THSD7B: variants seen among roughly 807,000 people sequenced by gnomAD.
The protein encoded by THSD7B is thrombospondin type-1 domain-containing protein 7B.
In THSD7B, 138 loss-of-function variants were observed where a neutral mutation model predicts 213.6. That is an observed-to-expected ratio of 0.65 (90% confidence interval 0.56 to 0.74). The LOEUF (loss-of-function observed/expected upper bound fraction) is 0.74, where lower values mean the gene tolerates loss of function less well. THSD7B is among the 30% of genes least tolerant of loss of function. THSD7B has a pLI of 0.00. For synonymous variants in THSD7B, 742 were observed against 687.0 expected (o/e 1.08, Z -1.25); for missense variants, 1,931 against 1,991.5 (o/e 0.97, Z 0.58).
At chr2:137,433,861 C>T (rs921700498) in intron 14 of THSD7B, among the ~76,000 whole-genome samples, 1 of 152,206 alleles carries the variant, frequency 6.6e-6, no homozygotes, top group African/African-American at 2.4e-5. Flanking sequence ...TTGTAACCCC[C>T]AATCTGAGTA....
intron 4 of THSD7B, among the ~76,000 whole-genome samples, chr2:137,096,327 A>G (rs1688038423): frequency 6.6e-6 from 1 of 152,198 alleles, no homozygotes; most frequent in African/African-American, 2.4e-5. Context: ...TGTGAAGGGT[A>G]TGGGTTACTG....
intron 15 of THSD7B, among the ~76,000 whole-genome samples, chr2:137,559,105 G>A (rs1681049201): frequency 6.6e-6 from 1 of 152,150 alleles, no homozygotes; most frequent in Non-Finnish European, 1.5e-5. Context: ...CTCATGGATA[G>A]GAAGAATCAA....
rs530205267 is a variant in THSD7B at position 137,513,104 on chromosome 2, A to G, written c.3139-50117A>G. Among the ~76,000 whole-genome samples the G allele has an allele frequency of 2.7e-4, 41 of 152,308 alleles. 2 individuals carry two copies. Among genetic ancestry groups the G allele is most frequent in the African/African-American group, 9.6e-4 (40 of 41,584 alleles). ...GTCTTCCTCAAACTTTATCGCATTA[A>G]ATAACTCAGGTTCTCTAAGCCTTTG... On this transcript the variant is annotated intron_variant, in intron 15 of 27. Transcript: ENST00000409968.
intron 14 of THSD7B, among the ~76,000 whole-genome samples, chr2:137,428,114 A>AT (rs1055860361): frequency 3.3e-5 from 5 of 152,152 alleles, no homozygotes; most frequent in African/African-American, 1.2e-4. Flanking sequence ...AATAAAAGGT[A>AT]TTTGTCCTTT....
intron 7 of THSD7B, among the ~76,000 whole-genome samples, chr2:137,191,355 TCTC>T (rs1446556709): frequency 2.0e-5 from 3 of 152,096 alleles, no homozygotes; most frequent in Non-Finnish European, 2.9e-5. Flanking sequence ...TGTATGTAAA[TCTC>T]CTAACTATTA....
intron 12 of THSD7B, among the ~76,000 whole-genome samples, chr2:137,284,831 A>G (rs1226266947): frequency 3.3e-5 from 5 of 152,034 alleles, no homozygotes; most frequent in South Asian, 2.1e-4. Context: ...TATGTGGTCA[A>G]TTTTGGAATA....
intron 15 of THSD7B, among the ~76,000 whole-genome samples, chr2:137,553,913 G>A (rs1680898832): frequency 2.0e-5 from 3 of 152,094 alleles, no homozygotes; most frequent in Non-Finnish European, 4.4e-5. Flanking sequence ...ATTCTTGAAT[G>A]CCCTGCTGCT....
intron 16 of THSD7B, among the ~76,000 whole-genome samples, chr2:137,563,694 T>C (rs911720219): frequency 4.6e-5 from 7 of 152,164 alleles, no homozygotes; most frequent in African/African-American, 1.4e-4. Flanking sequence ...TTGGTCTTTT[T>C]TGCATTATGG....
intron 2 of THSD7B, among the ~76,000 whole-genome samples, chr2:136,920,446 A>T (rs1684416829): frequency 6.6e-6 from 1 of 152,118 alleles, no homozygotes; most frequent in Admixed American, 6.5e-5. Context: ...CATCTCAATG[A>T]GTGAGACTGG....
At chr2:137,163,556 A>G (rs770801178) in intron 6 of THSD7B, among the ~76,000 whole-genome samples, 25 of 152,214 alleles carry the variant, frequency 1.6e-4, no homozygotes, top group Non-Finnish European at 3.1e-4. Flanking sequence ...GGAGAACCAC[A>G]ACCACCAGAA....
chr2:136,778,505 A>C (rs1681655518), intron 1 of THSD7B, among the ~76,000 whole-genome samples: 1 of 152,062 alleles, frequency 6.6e-6, no homozygotes, highest in Non-Finnish European at 1.5e-5. Flanking sequence ...ACAGCCTTTA[A>C]CCATGAATCC....
intron 2 of THSD7B, among the ~76,000 whole-genome samples, chr2:136,895,305 G>A (rs79373793): frequency 0.023 from 3,480 of 151,616 alleles, 105 homozygotes; most frequent in East Asian, 0.092. Flanking sequence ...AACTTGCCCA[G>A]TGCCCTTTTA....
chr2:137,080,166 A>ATG (rs1687715211), intron 3 of THSD7B, among the ~76,000 whole-genome samples: 1 of 145,328 alleles, frequency 6.9e-6, no homozygotes. Context: ...ATATGTAAAT[A>ATG]TATGTGTGTG....
chr2:137,642,490 C>T lies in THSD7B; in HGVS notation c.3802C>T (p.Arg1268Ter), dbSNP rs267598900. Reference protein sequence around the residue: ...ECSQTCGHGGRMSRTRFIIMP... With the variant: ...ECSQTCGHGG Reference sequence around the variant, plus strand: ...TGACACCTCCCTTATCATTTTAGGTCGAATGAGCCGGACTCGATTTATCAT... The same window carrying T: ...TGACACCTCCCTTATCATTTTAGGTTGAATGAGCCGGACTCGATTTATCAT... Residue 1268 changes from arginine (R) to a stop codon, truncating the protein, a stop_gained and splice_region_variant, in exon 21 of 28, where the codon CGA becomes TGA. Transcript: ENST00000409968. LOFTEE classifies it high-confidence loss of function. 2.5e-6 allele frequency: 4 copies of T among 1,613,524 alleles called. No homozygotes were observed. Among genetic ancestry groups the T allele is most frequent in the South Asian group, 1.1e-5 (1 of 91,022 alleles).
chr2:137,266,697 G>C (rs1682598180), intron 10 of THSD7B, among the ~76,000 whole-genome samples: 1 of 152,146 alleles, frequency 6.6e-6, no homozygotes, highest in South Asian at 2.1e-4. Flanking sequence ...GCCATGCATT[G>C]CTGGTACATA....
intron 13 of THSD7B, among the ~76,000 whole-genome samples, chr2:137,407,488 A>G (rs1199392765): frequency 6.6e-6 from 1 of 152,172 alleles, no homozygotes; most frequent in Non-Finnish European, 1.5e-5. Flanking sequence ...ACTGTTGGAA[A>G]AAAATCCCAC....
intron 7 of THSD7B, among the ~76,000 whole-genome samples, chr2:137,212,034 C>T (rs541115709): frequency 1.4e-4 from 22 of 152,068 alleles, no homozygotes; most frequent in African/African-American, 4.3e-4. Context: ...ACAACAATCA[C>T]GTACATGTAA....
intron 12 of THSD7B, among the ~76,000 whole-genome samples, chr2:137,365,840 T>G (rs1685394575): frequency 6.6e-6 from 1 of 152,208 alleles, no homozygotes; most frequent in African/African-American, 2.4e-5. Flanking sequence ...TGGCGATCCC[T>G]CAGGGATGTA....
intron 1 of THSD7B, among the ~76,000 whole-genome samples, chr2:136,852,784 A>G (rs564639969): frequency 6.6e-6 from 1 of 152,274 alleles, no homozygotes; most frequent in Admixed American, 6.5e-5. Flanking sequence ...GTGTCACACA[A>G]AATTAATTTT....
Sources: gnomAD v4.1 joint callset for allele counts (sites outside exome capture counted in the v4.1 genomes callset) on GRCh38, gnomAD v4.1.1 for gene constraint, MANE v1.5 for transcripts, NCBI Gene and HGNC (gene_info 2026-07-23, HGNC 2026-07-21) for gene names.